ITPK1: variants seen among roughly 807,000 people sequenced by gnomAD.
The protein encoded by ITPK1 is inositol 1,3,4-trisphosphate 5/6-kinase.
Under a neutral mutation model 45.3 loss-of-function variants are expected in ITPK1, and 21 were observed. The observed-to-expected ratio is 0.46, with a 90% CI of 0.33 to 0.67. The LOEUF (loss-of-function observed/expected upper bound fraction) is 0.67, where lower values mean the gene tolerates loss of function less well. Ranked by LOEUF, ITPK1 falls within the 30% of genes least tolerant of loss-of-function variation. The probability of loss-of-function intolerance (pLI) is 0.02; values close to 1 mark genes in which losing one functional copy is unlikely to be tolerated. For synonymous variants in ITPK1, 258 were observed against 253.6 expected (o/e 1.02, Z -0.16); for missense variants, 474 against 573.5 (o/e 0.83, Z 1.77).
chr14:93,073,805 A>C (rs1485816436), intron 3 of ITPK1, among the ~76,000 whole-genome samples: 2 of 152,160 alleles, frequency 1.3e-5, no homozygotes, highest in Non-Finnish European at 2.9e-5. Flanking sequence ...CCCCAAGAGA[A>C]AGCACAGCAT....
intron 3 of ITPK1, among the ~76,000 whole-genome samples, chr14:93,026,067 C>T (rs186776580): frequency 1.4e-3 from 206 of 152,078 alleles, no homozygotes; most frequent in African/African-American, 4.7e-3. Flanking sequence ...GCACGGATTG[C>T]GCCACTGCAC....
chr14:92,967,243 G>T (rs116418687), intron 5 of ITPK1, among the ~76,000 whole-genome samples: 1 of 152,118 alleles, frequency 6.6e-6, no homozygotes. Flanking sequence ...CAATTAAAAA[G>T]ATATCTCTAT....
intron 9 of ITPK1, among the ~76,000 whole-genome samples, chr14:92,946,739 C>T (rs918331700): frequency 6.6e-6 from 1 of 152,370 alleles, no homozygotes; most frequent in East Asian, 1.9e-4. Flanking sequence ...AGGCCAGTGC[C>T]AGCACTGCAC....
intron 5 of ITPK1, among the ~76,000 whole-genome samples, chr14:92,988,667 G>C (rs1443910741): frequency 6.6e-6 from 1 of 152,144 alleles, no homozygotes; most frequent in East Asian, 1.9e-4. Context: ...ACAGGGGTGA[G>C]GGACAGGGCT....
Position 93,076,189 on chromosome 14 carries a change from C to A in ITPK1, c.120+406G>T, listed in dbSNP as rs901354129. Among the ~76,000 whole-genome samples the A allele has an allele frequency of 3.3e-5, 5 of 151,960 alleles. No homozygotes were observed. Among genetic ancestry groups the A allele is most frequent in the African/African-American group, 4.8e-5 (2 of 41,324 alleles). Reference sequence around the variant, plus strand: ...CATCCATTCTTCCTTCTTCTTCCATCCATCCTTCTTTTTCTAGTTAATGAG... The same window carrying A: ...CATCCATTCTTCCTTCTTCTTCCATACATCCTTCTTTTTCTAGTTAATGAG... On this transcript the variant is annotated intron_variant, in intron 3 of 10. Transcript: ENST00000267615. The surrounding 1 kb of genome is among the most constrained non-coding windows in gnomAD (Gnocchi z 4.3).
At chr14:93,015,369 C>A (rs991770489) in intron 4 of ITPK1, among the ~76,000 whole-genome samples, 1 of 152,202 alleles carries the variant, frequency 6.6e-6, no homozygotes, top group African/African-American at 2.4e-5. Context: ...TGGCACAGGG[C>A]AGGGACTCAG....
chr14:93,103,838 A>G (rs1424145657), intron 2 of ITPK1, among the ~76,000 whole-genome samples: 1 of 152,152 alleles, frequency 6.6e-6, no homozygotes, highest in Non-Finnish European at 1.5e-5. Context: ...GGCAGAAATG[A>G]AAGTGAAACT....
At chr14:92,944,810 G>T (rs1312055706) in intron 10 of ITPK1, among the ~76,000 whole-genome samples, 1 of 152,066 alleles carries the variant, frequency 6.6e-6, no homozygotes, top group Non-Finnish European at 1.5e-5. Context: ...TAAACCCATG[G>T]TTTCCTCCCC....
chr14:93,058,030 G>A (rs968537860), intron 3 of ITPK1, among the ~76,000 whole-genome samples: 4 of 152,144 alleles, frequency 2.6e-5, no homozygotes, highest in Admixed American at 1.3e-4. Context: ...AGCTACTGAC[G>A]CAGAAGAGGT....
intron 5 of ITPK1, among the ~76,000 whole-genome samples, chr14:92,982,523 A>G (rs1424098282): frequency 6.6e-6 from 1 of 152,190 alleles, no homozygotes; most frequent in African/African-American, 2.4e-5. Flanking sequence ...GATTCTGTCA[A>G]TGAGAGTTAG....
intron 4 of ITPK1, among the ~76,000 whole-genome samples, chr14:93,000,210 C>T (rs1308931384): frequency 2.0e-5 from 3 of 152,126 alleles, no homozygotes; most frequent in South Asian, 2.1e-4. Flanking sequence ...TGTGAACATA[C>T]GTGTATAAAT....
At chr14:92,957,111 G>T (rs1421952594) in intron 8 of ITPK1, among the ~76,000 whole-genome samples, 2 of 152,248 alleles carry the variant, frequency 1.3e-5, no homozygotes, top group African/African-American at 4.8e-5. Flanking sequence ...GCCCCTCCAT[G>T]CCGGGCGGCA....
At chr14:92,949,199 A>T (rs115969424) in intron 9 of ITPK1, among the ~76,000 whole-genome samples, 2,481 of 151,868 alleles carry the variant, frequency 0.016, 59 homozygotes, top group African/African-American at 0.056. Context: ...GCTCAAATGA[A>T]CCTACCACCT....
intron 10 of ITPK1, 88 bp from the exon 11 acceptor site, chr14:92,941,992 C>T: frequency 8.7e-7 from 1 of 1,147,948 alleles, no homozygotes; most frequent in Non-Finnish European, 1.3e-6. Context: ...AACCGATGGG[C>T]TCCTGGGATG....
chr14:92,956,223 G>A (rs894593467), intron 8 of ITPK1, among the ~76,000 whole-genome samples: 14 of 151,444 alleles, frequency 9.2e-5, no homozygotes, highest in Non-Finnish European at 1.5e-4. Flanking sequence ...GGGCCCAAGC[G>A]ATCCTCCTGC....
At chr14:92,970,029 A>C (rs550490558) in intron 5 of ITPK1, among the ~76,000 whole-genome samples, 1 of 152,222 alleles carries the variant, frequency 6.6e-6, no homozygotes, top group Non-Finnish European at 1.5e-5. Flanking sequence ...GAGCCAGAAA[A>C]AGGCTGGCCT....
intron 5 of ITPK1, among the ~76,000 whole-genome samples, chr14:92,970,844 C>T (rs1438480903): frequency 3.3e-5 from 5 of 152,114 alleles, no homozygotes; most frequent in African/African-American, 1.2e-4. Flanking sequence ...ACCGTGTTAG[C>T]CAGGATGGTC....
At chr14:93,015,262 G>A (rs942566845) in intron 4 of ITPK1, among the ~76,000 whole-genome samples, 4 of 152,108 alleles carry the variant, frequency 2.6e-5, no homozygotes, top group Non-Finnish European at 5.9e-5. Flanking sequence ...ATGCTTCCAC[G>A]CCTCCACTTC....
chr14:93,109,916 T>C (rs1159013331), intron 2 of ITPK1, among the ~76,000 whole-genome samples: 1 of 152,192 alleles, frequency 6.6e-6, no homozygotes, highest in Non-Finnish European at 1.5e-5. Context: ...GAGGCATCCA[T>C]GGGCAGAGAC....
Sources: gnomAD v4.1 joint callset for allele counts (sites outside exome capture counted in the v4.1 genomes callset) on GRCh38, gnomAD v4.1.1 for gene constraint, Gnocchi (gnomAD v3.1) non-coding constraint, MANE v1.5 for transcripts, NCBI Gene and HGNC (gene_info 2026-07-23, HGNC 2026-07-21) for gene names.